SYT1: variants seen among roughly 807,000 people sequenced by gnomAD.
SYT1 encodes the protein synaptotagmin 1.
Under a neutral mutation model 44.8 loss-of-function variants are expected in SYT1, and 8 were observed. The ratio of observed to expected loss-of-function variants is 0.18; its 90% CI spans 0.10 to 0.32. The LOEUF (loss-of-function observed/expected upper bound fraction) is 0.32, where lower values mean the gene tolerates loss of function less well. SYT1 is among the 10% of genes least tolerant of loss of function. The pLI, the probability that SYT1 is intolerant of heterozygous loss-of-function variation, is 1.00. For missense variants in SYT1, 286 were observed against 509.3 expected (o/e 0.56, Z 4.22); for synonymous variants, 154 against 188.8 (o/e 0.82, Z 1.51).
At chr12:79,313,370 T>C (rs1038003914) in intron 8 of SYT1, among the ~76,000 whole-genome samples, 4 of 152,198 alleles carry the variant, frequency 2.6e-5, no homozygotes, top group African/African-American at 9.7e-5. Context: ...AGACCAAAGG[T>C]AAATTTCTCA....
At chr12:79,298,155 A>G (rs1244588379) in intron 7 of SYT1, among the ~76,000 whole-genome samples, 2 of 152,126 alleles carry the variant, frequency 1.3e-5, no homozygotes, top group African/African-American at 2.4e-5. Flanking sequence ...GAGTACAATC[A>G]CTAGAAAGTC....
chr12:79,429,299 T>C (rs56813919), intron 9 of SYT1, among the ~76,000 whole-genome samples: 29,697 of 151,618 alleles, frequency 0.2, 3,435 homozygotes, highest in African/African-American at 0.32. Flanking sequence ...CTCCACCTCC[T>C]AGGTTCAAGC....
intron 4 of SYT1, among the ~76,000 whole-genome samples, chr12:79,256,131 G>C (rs1262351595): frequency 6.6e-6 from 1 of 152,172 alleles, no homozygotes; most frequent in South Asian, 2.1e-4. Context: ...TGAAAGCATG[G>C]ATTTCAGTTA....
At chr12:79,198,459 G>C (rs1873588410) in intron 3 of SYT1, among the ~76,000 whole-genome samples, 1 of 151,862 alleles carries the variant, frequency 6.6e-6, no homozygotes, top group Non-Finnish European at 1.5e-5. Context: ...CTTCTAAAAG[G>C]CATTGATTTG....
chr12:79,329,390 A>T (rs761025900), intron 8 of SYT1, among the ~76,000 whole-genome samples: 1 of 152,216 alleles, frequency 6.6e-6, no homozygotes, highest in Non-Finnish European at 1.5e-5. Context: ...TAATTAATAT[A>T]CTGAAAATAT....
intron 3 of SYT1, among the ~76,000 whole-genome samples, chr12:79,172,095 C>T (rs1324621054): frequency 1.3e-5 from 2 of 151,716 alleles, no homozygotes; most frequent in Non-Finnish European, 2.9e-5. Context: ...ATTAATTTTC[C>T]AAGTGCCTAA....
intron 9 of SYT1, among the ~76,000 whole-genome samples, chr12:79,375,232 A>G (rs1366879938): frequency 6.6e-6 from 1 of 152,150 alleles, no homozygotes; most frequent in Admixed American, 6.5e-5. Context: ...ATTTCACAAG[A>G]GCTCAGAGGA....
chr12:79,441,873 T>C (rs1379064812), intron 9 of SYT1, among the ~76,000 whole-genome samples: 1 of 152,208 alleles, frequency 6.6e-6, no homozygotes, highest in East Asian at 1.9e-4. Flanking sequence ...TGGTTCTTTC[T>C]TGTCTTTCAG....
intron 1 of SYT1, among the ~76,000 whole-genome samples, chr12:78,939,326 C>T (rs1878231770): frequency 1.3e-5 from 2 of 152,094 alleles, no homozygotes; most frequent in Admixed American, 1.3e-4. Context: ...AAGTAAGCTT[C>T]AAAACTTCTG....
intron 3 of SYT1, among the ~76,000 whole-genome samples, chr12:79,162,873 G>A (rs1871033739): frequency 6.6e-6 from 1 of 151,942 alleles, no homozygotes; most frequent in Non-Finnish European, 1.5e-5. Context: ...TAGATTTCAG[G>A]CAGAGTTTTC....
intron 1 of SYT1, among the ~76,000 whole-genome samples, chr12:78,933,387 A>G (rs1877863077): frequency 6.6e-6 from 1 of 152,210 alleles, no homozygotes; most frequent in Admixed American, 6.6e-5. Context: ...GCTAGAACTT[A>G]CTAAATAAAC....
At chr12:79,340,086 G>C (rs1295132128) in intron 8 of SYT1, among the ~76,000 whole-genome samples, 2 of 152,182 alleles carry the variant, frequency 1.3e-5, no homozygotes, top group African/African-American at 2.4e-5. Context: ...TTGTAGTATA[G>C]TTTGAAGTCA....
chr12:78,974,230 G>C (rs929583026), intron 1 of SYT1, among the ~76,000 whole-genome samples: 1 of 150,938 alleles, frequency 6.6e-6, no homozygotes, highest in African/African-American at 2.4e-5. Flanking sequence ...ACATAGTACA[G>C]TAAAAATATG....
intron 3 of SYT1, among the ~76,000 whole-genome samples, chr12:79,100,830 T>C (rs1320372855): frequency 6.6e-6 from 1 of 152,146 alleles, no homozygotes; most frequent in Non-Finnish European, 1.5e-5. Context: ...AAATGTATAA[T>C]AACTGTTTTT....
chr12:78,905,615 A>G (rs1875933445), intron 1 of SYT1, among the ~76,000 whole-genome samples: 1 of 152,080 alleles, frequency 6.6e-6, no homozygotes, highest in Non-Finnish European at 1.5e-5. Context: ...CTTTTATTAC[A>G]TGGCATCTAC....
chr12:79,002,886 C>A (rs966546509), intron 2 of SYT1, among the ~76,000 whole-genome samples: 1 of 151,968 alleles, frequency 6.6e-6, no homozygotes, highest in Non-Finnish European at 1.5e-5. Context: ...TATGTCGTTT[C>A]CTTTTAAAAT....
chr12:79,280,322 C>T (rs1214366819), intron 4 of SYT1, among the ~76,000 whole-genome samples: 4 of 151,938 alleles, frequency 2.6e-5, no homozygotes, highest in Non-Finnish European at 5.9e-5. Flanking sequence ...ACCAATGAAA[C>T]AGAATATACC....
chr12:78,915,328 C>T (rs536643842), intron 1 of SYT1, among the ~76,000 whole-genome samples: 1 of 152,046 alleles, frequency 6.6e-6, no homozygotes, highest in South Asian at 2.1e-4. Flanking sequence ...GATATAGCCC[C>T]AGAAGTAATA....
intron 3 of SYT1, among the ~76,000 whole-genome samples, chr12:79,051,143 TA>T (rs570939320): frequency 7.3e-5 from 11 of 150,686 alleles, no homozygotes; most frequent in African/African-American, 9.7e-5. Context: ...TCGGAACTGT[TA>T]AAAAAAAACT....
Sources: allele counts gnomAD v4.1 joint callset (sites outside exome capture counted in the v4.1 genomes callset), GRCh38; gene constraint gnomAD v4.1.1; transcripts MANE v1.5; gene names NCBI Gene and HGNC (gene_info 2026-07-23, HGNC 2026-07-21).